Variants in SLC24A2 observed in about 807,000 individuals in gnomAD.
SLC24A2 encodes the protein solute carrier family 24 member 2, also known as sodium/potassium/calcium exchanger 2.
Under a neutral mutation model 62.0 loss-of-function variants are expected in SLC24A2, and 36 were observed. That is an observed-to-expected ratio of 0.58 (90% CI 0.44 to 0.77). The LOEUF (loss-of-function observed/expected upper bound fraction) is 0.77, where lower values mean the gene tolerates loss of function less well. SLC24A2 is among the 30% of genes least tolerant of loss of function. The pLI, the probability that SLC24A2 is intolerant of heterozygous loss-of-function variation, is 0.00. For missense variants in SLC24A2, 846 were observed against 817.9 expected (o/e 1.03, Z -0.42); for synonymous variants, 358 against 294.0 (o/e 1.22, Z -2.23).
chr9:19,651,263 T>A (rs1818793016), intron 2 of SLC24A2, among the ~76,000 whole-genome samples: 1 of 152,244 alleles, frequency 6.6e-6, no homozygotes, highest in African/African-American at 2.4e-5. Flanking sequence ...TATTAGGTAC[T>A]ACTCATTGTT....
rs1832742449 is a variant in SLC24A2, at chr9:19,512,250, C to G, written c.*3903G>C. 1 of 152,234 alleles carries G rather than the reference C, an allele frequency of 6.6e-6. No individual in the cohort carries two copies. The highest frequency in any genetic ancestry group is 1.5e-5 in the Non-Finnish European group (1 of 68,050). 9.4% of individuals were successfully genotyped at this position (152,234 alleles called of 1,614,324 possible). A position where few individuals can be genotyped will look rare whatever the true frequency, so the allele number is the denominator to read the frequency against. On this transcript the variant is annotated 3_prime_UTR_variant, in exon 11 of 11. Coordinates refer to ENST00000341998, the MANE Select transcript of SLC24A2 (RefSeq NM_020344.4). Reference sequence around the variant, plus strand: ...CAGCTGCGTTTTGCTGAAAGGGCTCCAAACCACCTGATTCATGTCTTCCCT... The same window carrying G: ...CAGCTGCGTTTTGCTGAAAGGGCTCGAAACCACCTGATTCATGTCTTCCCT...
At chr9:19,805,490 G>A in the SLC24A2 span, among the ~76,000 whole-genome samples, 4 of 152,126 alleles carry the variant, frequency 2.6e-5, no homozygotes, top group Non-Finnish European at 4.4e-5. Context: ...CACTCAAAAT[G>A]AACATACATA....
intron 2 of SLC24A2, among the ~76,000 whole-genome samples, chr9:19,674,896 G>A (rs1819519280): frequency 6.6e-6 from 1 of 152,186 alleles, no homozygotes; most frequent in Non-Finnish European, 1.5e-5. Flanking sequence ...CACTGCTGGT[G>A]AGCTAGTGTG....
At chr9:19,754,951 T>C (rs562390413) in intron 2 of SLC24A2, among the ~76,000 whole-genome samples, 6 of 152,308 alleles carry the variant, frequency 3.9e-5, no homozygotes, top group Non-Finnish European at 7.4e-5. Flanking sequence ...CATTAAAACC[T>C]GATCTCTCTT....
At chr9:19,581,027 T>G (rs371897706) in intron 5 of SLC24A2, among the ~76,000 whole-genome samples, 30 of 152,226 alleles carry the variant, frequency 2.0e-4, no homozygotes, top group African/African-American at 6.3e-4. Flanking sequence ...CTCTGTAAGT[T>G]AGAGGAAAAA....
At chr9:20,116,587 T>C in the SLC24A2 span, among the ~76,000 whole-genome samples, 1 of 152,216 alleles carries the variant, frequency 6.6e-6, no homozygotes, top group African/African-American at 2.4e-5. Context: ...GTCTTTTCAA[T>C]GCTTCTGTCT....
chr9:20,264,048 C>T, the SLC24A2 span, among the ~76,000 whole-genome samples: 19 of 152,242 alleles, frequency 1.2e-4, no homozygotes, highest in African/African-American at 4.1e-4. Context: ...ATGCTTCTTC[C>T]TCCTGCCAAT....
chr9:20,241,591 G>A, the SLC24A2 span, among the ~76,000 whole-genome samples: 3 of 152,120 alleles, frequency 2.0e-5, no homozygotes, highest in Non-Finnish European at 4.4e-5. Context: ...TAATAAATAG[G>A]TCAAAGGATG....
At chr9:20,053,382 G>T in the SLC24A2 span, among the ~76,000 whole-genome samples, 3 of 152,070 alleles carry the variant, frequency 2.0e-5, no homozygotes, top group African/African-American at 7.2e-5. Context: ...GTAACTTTTT[G>T]TCCATTTTGC....
intron 2 of SLC24A2, among the ~76,000 whole-genome samples, chr9:19,719,111 G>A (rs373204905): frequency 2.0e-5 from 3 of 152,072 alleles, no homozygotes; most frequent in East Asian, 1.9e-4. Context: ...CTTCCTTCTG[G>A]GTATAAACTG....
intron 2 of SLC24A2, among the ~76,000 whole-genome samples, chr9:19,708,570 G>A (rs909030222): frequency 6.6e-6 from 1 of 152,082 alleles, no homozygotes; most frequent in African/African-American, 2.4e-5. Context: ...ATAGACCAAT[G>A]GAACAGAACA....
At chr9:20,031,363 A>G in the SLC24A2 span, among the ~76,000 whole-genome samples, 1 of 128,188 alleles carries the variant, frequency 7.8e-6, no homozygotes, top group Non-Finnish European at 1.7e-5. Context: ...ATATATATAT[A>G]TATATATATA....
At chr9:19,529,299 C>T (rs577245469) in intron 8 of SLC24A2, among the ~76,000 whole-genome samples, 1 of 152,262 alleles carries the variant, frequency 6.6e-6, no homozygotes, top group South Asian at 2.1e-4. Flanking sequence ...TCTGTCATGG[C>T]TTTTGAGAGC....
chr9:20,039,765 TA>T, the SLC24A2 span, among the ~76,000 whole-genome samples: 1 of 151,984 alleles, frequency 6.6e-6, no homozygotes, highest in African/African-American at 2.4e-5. Flanking sequence ...GAAACAAGGA[TA>T]AAAAGTCTCT....
chr9:20,044,907 A>G, the SLC24A2 span, among the ~76,000 whole-genome samples: 2 of 152,126 alleles, frequency 1.3e-5, no homozygotes, highest in Admixed American at 1.3e-4. Context: ...CACATGACTT[A>G]CACAGGTTAC....
chr9:19,856,474 G>C, the SLC24A2 span, among the ~76,000 whole-genome samples: 1 of 151,878 alleles, frequency 6.6e-6, no homozygotes. Flanking sequence ...GGTTTTTGTG[G>C]GGTCTTTTTT....
chr9:19,911,687 G>A, the SLC24A2 span, among the ~76,000 whole-genome samples: 4 of 152,098 alleles, frequency 2.6e-5, no homozygotes, highest in African/African-American at 7.2e-5. Flanking sequence ...TGAATATCCA[G>A]CTTCTCTTCC....
chr9:20,017,697 G>A, the SLC24A2 span, among the ~76,000 whole-genome samples: 1 of 152,162 alleles, frequency 6.6e-6, no homozygotes, highest in East Asian at 1.9e-4. Flanking sequence ...GTAAATCACT[G>A]GTGTATGTCC....
the SLC24A2 span, among the ~76,000 whole-genome samples, chr9:20,203,063 A>T: frequency 6.6e-6 from 1 of 151,834 alleles, no homozygotes; most frequent in Non-Finnish European, 1.5e-5. Flanking sequence ...ATTAATTAAC[A>T]CACATCCCTG....
Sources: allele counts gnomAD v4.1 joint callset (sites outside exome capture counted in the v4.1 genomes callset), GRCh38; gene constraint gnomAD v4.1.1; transcripts MANE v1.5; gene names NCBI Gene and HGNC (gene_info 2026-07-23, HGNC 2026-07-21).